TBX20: variants seen among roughly 807,000 people sequenced by gnomAD.
The protein encoded by TBX20 is T-box transcription factor 20, also known as T-box transcription factor TBX20.
In TBX20, 8 loss-of-function variants were observed where a neutral mutation model predicts 42.9. The observed-to-expected ratio is 0.19, with a 90% confidence interval of 0.11 to 0.34. The LOEUF (loss-of-function observed/expected upper bound fraction) is 0.34, where lower values mean the gene tolerates loss of function less well. TBX20 is among the 10% of genes least tolerant of loss of function. The probability of loss-of-function intolerance (pLI) is 1.00; values close to 1 mark genes in which losing one functional copy is unlikely to be tolerated. For synonymous variants in TBX20, 198 were observed against 222.8 expected, an observed-to-expected ratio of 0.89 and a Z score of 0.99; for missense variants, 411 against 566.0, an observed-to-expected ratio of 0.73 and a Z score of 2.78.
intron 6 of TBX20, among the ~76,000 whole-genome samples, chr7:35,208,841 A>G (rs1043374572): frequency 1.4e-5 from 2 of 147,544 alleles, no homozygotes; most frequent in African/African-American, 5.0e-5. Flanking sequence ...TTTCACCATT[A>G]GATATAATAT....
At chr7:35,205,511 G>A (rs1378353498) in intron 6 of TBX20, among the ~76,000 whole-genome samples, 1 of 152,168 alleles carries the variant, frequency 6.6e-6, no homozygotes, top group African/African-American at 2.4e-5. Context: ...TATAAAATAT[G>A]TGTTAAATGA....
At chr7:35,239,359 T>G (rs1230959050) in intron 5 of TBX20, among the ~76,000 whole-genome samples, 1 of 152,046 alleles carries the variant, frequency 6.6e-6, no homozygotes, top group African/African-American at 2.4e-5. Context: ...ACCCAAAACC[T>G]AACAACATCA....
At chr7:35,219,652 C>A (rs1789647347) in intron 6 of TBX20, among the ~76,000 whole-genome samples, 1 of 152,252 alleles carries the variant, frequency 6.6e-6, no homozygotes, top group South Asian at 2.1e-4. Flanking sequence ...GTGTTAGAAC[C>A]AAACACCACT....
intron 1 of TBX20, among the ~76,000 whole-genome samples, chr7:35,250,747 G>A (rs141389114): frequency 2.1e-3 from 321 of 152,244 alleles, no homozygotes; most frequent in African/African-American, 7.5e-3. Flanking sequence ...AGAAAAATGG[G>A]GAATGTGGTT....
At chr7:35,213,280 A>G (rs1017787272) in intron 6 of TBX20, among the ~76,000 whole-genome samples, 9 of 152,328 alleles carry the variant, frequency 5.9e-5, no homozygotes, top group African/African-American at 1.9e-4. Flanking sequence ...GGGAACTTCT[A>G]AAAATTCCAA....
At position 35,236,880 on chromosome 7, in the gene TBX20, T is replaced by C. The variant is rs576809019; in HGVS notation, c.813+3999A>G. Among the ~76,000 whole-genome samples, 36 of 152,288 alleles carry C rather than the reference T, an allele frequency of 2.4e-4. No individual in the cohort carries two copies. In the East Asian group the frequency reaches 6.9e-3, roughly 29 times the overall value. On this transcript the variant is annotated intron_variant, in intron 5 of 7. Coordinates refer to ENST00000408931, the MANE Select transcript of TBX20 (RefSeq NM_001077653.2). ...ATACTATACTTAATGCAAGAAAGAA[T>C]AGCTGGGCACTGATGGCTAGATTTT... is the stretch of plus-strand genomic sequence containing the variant.
At chr7:35,213,717 T>C (rs1789534951) in intron 6 of TBX20, among the ~76,000 whole-genome samples, 1 of 151,492 alleles carries the variant, frequency 6.6e-6, no homozygotes, top group Non-Finnish European at 1.5e-5. Flanking sequence ...AATAGATGAG[T>C]AGGTGATCAT....
At chr7:35,205,309 A>G (rs1486022518) in intron 6 of TBX20, among the ~76,000 whole-genome samples, 4 of 152,156 alleles carry the variant, frequency 2.6e-5, no homozygotes, top group African/African-American at 9.6e-5. Context: ...AACTTTAAAA[A>G]ATAAAAAAAA....
chr7:35,236,526 T>C (rs1183948156), intron 5 of TBX20, among the ~76,000 whole-genome samples: 1 of 152,010 alleles, frequency 6.6e-6, no homozygotes, highest in African/African-American at 2.4e-5. Flanking sequence ...CTTTAGAAAA[T>C]GACATAGGAC....
intron 6 of TBX20, among the ~76,000 whole-genome samples, chr7:35,214,084 G>A (rs1242784724): frequency 6.6e-6 from 1 of 152,060 alleles, no homozygotes; most frequent in Non-Finnish European, 1.5e-5. Context: ...AAATGCATTT[G>A]AATTCCCTAA....
intron 6 of TBX20, among the ~76,000 whole-genome samples, chr7:35,229,175 T>C (rs1789826718): frequency 6.6e-6 from 1 of 152,136 alleles, no homozygotes; most frequent in African/African-American, 2.4e-5. Flanking sequence ...TCATATTCAA[T>C]TAGGTTAGAA....
At chr7:35,203,084 C>G (rs181670416) in intron 7 of TBX20, among the ~76,000 whole-genome samples, 2 of 152,232 alleles carry the variant, frequency 1.3e-5, no homozygotes, top group Admixed American at 1.3e-4. Flanking sequence ...TTAAAAAAAG[C>G]TGCAAATACC....
intron 5 of TBX20, among the ~76,000 whole-genome samples, chr7:35,238,875 T>C (rs1584354261): frequency 6.7e-6 from 1 of 150,332 alleles, no homozygotes. Context: ...CTCTATCTCA[T>C]TAATACACCA....
chr7:35,229,423 G>C (rs1271451024), intron 6 of TBX20, among the ~76,000 whole-genome samples: 1 of 152,072 alleles, frequency 6.6e-6, no homozygotes, highest in Admixed American at 6.6e-5. Context: ...GAAAAATTCA[G>C]ACTTAAATAT....
intron 6 of TBX20, among the ~76,000 whole-genome samples, chr7:35,227,826 T>C (rs1789801405): frequency 1.3e-5 from 2 of 152,176 alleles, no homozygotes; most frequent in Admixed American, 1.3e-4. Flanking sequence ...TTGGAAGTTA[T>C]TTTAATGGGT....
intron 5 of TBX20, among the ~76,000 whole-genome samples, chr7:35,239,270 C>G (rs1053881073): frequency 1.2e-4 from 18 of 152,150 alleles, no homozygotes; most frequent in African/African-American, 4.3e-4. Flanking sequence ...GGTCTCCACA[C>G]CACCTCGCTT....
Position 35,239,741 on chromosome 7 carries a change from GT to G in TBX20, c.813+1137del, listed in dbSNP as rs112676951. 1.0e-3 allele frequency among the ~76,000 whole-genome samples: 152 copies of G among 147,144 alleles called. 2 individuals are homozygous for G. In the South Asian group the frequency reaches 0.013, roughly 13 times the overall value. On this transcript the variant is annotated intron_variant, in intron 5 of 7. Transcript: ENST00000408931. ...TGGATGAAGAAATGCATTAATTTAA[GT>G]TTTTTTTTTTAATTTTATTATTTTT...
chr7:35,253,505 A>G lies in TBX20; in HGVS notation c.116T>C (p.Ile39Thr). The change falls in exon 1 of 8, where the codon ATC becomes ACC. Residue 39 changes from isoleucine to threonine, a missense_variant. By Grantham distance (89) the Ile-to-Thr change is moderately conservative (BLOSUM62 -1). Around this residue, in one of 5 missense-constraint regions of TBX20, gnomAD observed 114 missense variants for 128.0 expected, o/e 0.89. Transcript: ENST00000408931. ...SKEKEATENTIKPLEQFVEKS... is the reference protein window; with the variant it reads ...SKEKEATENTTKPLEQFVEKS... ...GTAGCCCAACTTACCCAGGGGTTTGATTGTGTTCTCCGTCGCCTCCTTCTC... is the reference window on the plus strand; with the variant it reads ...GTAGCCCAACTTACCCAGGGGTTTGGTTGTGTTCTCCGTCGCCTCCTTCTC... 1 of 1,611,252 alleles carries G rather than the reference A, an allele frequency of 6.2e-7. No homozygotes were observed. Among genetic ancestry groups the G allele is most frequent in the Non-Finnish European group, 8.5e-7 (1 of 1,179,264 alleles).
intron 6 of TBX20, among the ~76,000 whole-genome samples, chr7:35,206,876 TGA>T (rs1789409285): frequency 6.6e-6 from 1 of 152,230 alleles, no homozygotes; most frequent in Non-Finnish European, 1.5e-5. Context: ...TTTCTTGTAC[TGA>T]GTAGCATTAT....
Sources: gnomAD v4.1 joint callset for allele counts (sites outside exome capture counted in the v4.1 genomes callset) on GRCh38, gnomAD v4.1.1 for gene constraint, gnomAD v4.1.1 regional missense constraint, MANE v1.5 for transcripts, NCBI Gene and HGNC (gene_info 2026-07-23, HGNC 2026-07-21) for gene names.